CAP2: variants seen among roughly 807,000 people sequenced by gnomAD.
CAP2 encodes cyclase associated actin cytoskeleton regulatory protein 2.
CAP2 carries 24 observed loss-of-function variants against 57.7 expected under a neutral mutation model. The observed-to-expected ratio is 0.42, with a 90% confidence interval of 0.30 to 0.58. CAP2 has a LOEUF of 0.58. Among genes scored for constraint, CAP2 ranks in the 20% least tolerant of loss-of-function variants. The pLI, the probability that CAP2 is intolerant of heterozygous loss-of-function variation, is 0.22. For synonymous variants in CAP2, 194 were observed against 207.2 expected, an observed-to-expected ratio of 0.94 and a Z score of 0.55; for missense variants, 501 against 590.3, an observed-to-expected ratio of 0.85 and a Z score of 1.57.
At chr6:17,502,440 G>T (rs1185330161) in intron 4 of CAP2, among the ~76,000 whole-genome samples, 1 of 151,894 alleles carries the variant, frequency 6.6e-6, no homozygotes, top group Non-Finnish European at 1.5e-5. Flanking sequence ...AAATCTATTG[G>T]CACAGAATAA....
chr6:17,445,273 G>A (rs113650229), intron 3 of CAP2, among the ~76,000 whole-genome samples: 1,989 of 152,188 alleles, frequency 0.013, 51 homozygotes, highest in African/African-American at 0.046. Context: ...CACCCAGCTA[G>A]TTTTTGTATT....
intron 4 of CAP2, among the ~76,000 whole-genome samples, chr6:17,496,851 A>T (rs1273060166): frequency 6.6e-6 from 1 of 152,180 alleles, no homozygotes; most frequent in Admixed American, 6.6e-5. Context: ...CATTTCAGCC[A>T]CGTTCTACAT....
Position 17,421,674 on chromosome 6 carries a change from C to A in CAP2, c.119C>A (p.Ala40Glu). 1 of 1,614,176 alleles carries A rather than the reference C, an allele frequency of 6.2e-7. No homozygotes were observed. Among genetic ancestry groups the A allele is most frequent in the Non-Finnish European group, 8.5e-7 (1 of 1,179,992 alleles). The change falls in exon 2 of 13, where the codon GCA becomes GAA. Residue 40 changes from alanine (A) to glutamate (E), a missense_variant and splice_region_variant. By Grantham distance (107) the Ala-to-Glu change is moderately radical. Coordinates refer to ENST00000229922, the MANE Select transcript of CAP2 (RefSeq NM_006366.3). ...TGCGGGGAAGTCAATGGTGTCATTG[C>A]AGGTAGGGTCACAAACTGTTGTCAT... ...GNCGEVNGVIAGVAPSVEAFD... is the reference protein window; with the variant it reads ...GNCGEVNGVIEGVAPSVEAFD...
rs567675285 is a variant in CAP2, at chr6:17,461,992, C to CAAAAAAAAAAAAAAAAAAAAAA, written c.223-994_223-973dup. ...TGGGCAACAGGGCGAGACTCCGTCT[C>CAAAAAAAAAAAAAAAAAAAAAA]AAAAAAAAAAAAAAAAAAAAAAAAA... On this transcript the variant is annotated intron_variant, in intron 3 of 12. Coordinates refer to ENST00000229922, the MANE Select transcript of CAP2 (RefSeq NM_006366.3). 3.9e-4 allele frequency among the ~76,000 whole-genome samples: 11 copies of CAAAAAAAAAAAAAAAAAAAAAA among 27,860 alleles called. 1 individual carries two copies. Among genetic ancestry groups the CAAAAAAAAAAAAAAAAAAAAAA allele is most frequent in the Admixed American group, 1.1e-3 (2 of 1,822 alleles). 18.3% of individuals were successfully genotyped at this position (27,860 alleles called of 152,430 possible). A position where few individuals can be genotyped will look rare whatever the true frequency, so the allele number is the denominator to read the frequency against.
intron 4 of CAP2, among the ~76,000 whole-genome samples, chr6:17,491,484 A>G (rs1761541107): frequency 1.3e-5 from 2 of 152,186 alleles, no homozygotes; most frequent in African/African-American, 4.8e-5. Flanking sequence ...AGCAGCTGTC[A>G]TTTTTAGTCC....
At chr6:17,520,247 A>G (rs1369547900) in intron 7 of CAP2, among the ~76,000 whole-genome samples, 1 of 152,126 alleles carries the variant, frequency 6.6e-6, no homozygotes, top group Non-Finnish European at 1.5e-5. Context: ...AGCTGAGGCT[A>G]CAGGCGTGCA....
At chr6:17,469,562 A>G (rs1020994581) in intron 4 of CAP2, among the ~76,000 whole-genome samples, 8 of 152,182 alleles carry the variant, frequency 5.3e-5, no homozygotes, top group Non-Finnish European at 8.8e-5. Context: ...TATTCTATCT[A>G]GGAAGTCTGA....
chr6:17,554,169 C>T (rs1249571889), intron 12 of CAP2, among the ~76,000 whole-genome samples: 2 of 152,000 alleles, frequency 1.3e-5, no homozygotes, highest in African/African-American at 2.4e-5. Context: ...TGCAGTGGTG[C>T]GATCATGGCT....
At chr6:17,471,281 G>A (rs1581546896) in intron 4 of CAP2, among the ~76,000 whole-genome samples, 1 of 152,202 alleles carries the variant, frequency 6.6e-6, no homozygotes, top group African/African-American at 2.4e-5. Flanking sequence ...CATGATTAGT[G>A]CTGCTAAGTT....
intron 2 of CAP2, among the ~76,000 whole-genome samples, chr6:17,424,244 A>T (rs374992668): frequency 6.6e-6 from 1 of 152,016 alleles, no homozygotes; most frequent in Non-Finnish European, 1.5e-5. Context: ...ACTAAAAATG[A>T]AAAAAATTAG....
intron 3 of CAP2, among the ~76,000 whole-genome samples, chr6:17,436,768 C>T (rs771232255): frequency 5.3e-5 from 8 of 152,068 alleles, no homozygotes; most frequent in Non-Finnish European, 1.0e-4. Context: ...CCATCTATGT[C>T]AGGGGTCCCC....
chr6:17,515,579 C>CA (rs1239565817), intron 7 of CAP2, among the ~76,000 whole-genome samples: 1 of 152,102 alleles, frequency 6.6e-6, no homozygotes, highest in Non-Finnish European at 1.5e-5. Context: ...ACCCACGTAA[C>CA]AAACCTGCAC....
chr6:17,469,006 G>T (rs1760946417), intron 4 of CAP2, among the ~76,000 whole-genome samples: 1 of 152,220 alleles, frequency 6.6e-6, no homozygotes, highest in South Asian at 2.1e-4. Context: ...GAGTTGACAT[G>T]AACAAGTGTT....
chr6:17,399,451 T>C (rs942147769), intron 1 of CAP2, among the ~76,000 whole-genome samples: 7 of 152,224 alleles, frequency 4.6e-5, no homozygotes, highest in African/African-American at 1.7e-4. Context: ...AATAATGGCT[T>C]CTTTCACTGA....
rs769160522 is a variant in CAP2 at position 17,439,458 on chromosome 6, G to A, written c.222+12768G>A. Among the ~76,000 whole-genome samples, 39 of 151,458 alleles carry A rather than the reference G, an allele frequency of 2.6e-4. 1 individual carries two copies. Among genetic ancestry groups the A allele is most frequent in the Non-Finnish European group, 4.4e-4 (30 of 68,026 alleles). On this transcript the variant is annotated intron_variant, in intron 3 of 12. Coordinates refer to ENST00000229922, the MANE Select transcript of CAP2 (RefSeq NM_006366.3). ...TAGTCACTGAGGATTTAGAGCAGCA[G>A]TAGTCAACCTTTTTGGCACCAGGGA...
chr6:17,451,193 G>T (rs1033474502), intron 3 of CAP2, among the ~76,000 whole-genome samples: 4 of 151,380 alleles, frequency 2.6e-5, no homozygotes, highest in Non-Finnish European at 4.4e-5. Flanking sequence ...ACCAAGCAGG[G>T]TACGTTCTGG....
At chr6:17,550,146 A>G (rs1435950605) in intron 11 of CAP2, among the ~76,000 whole-genome samples, 1 of 152,052 alleles carries the variant, frequency 6.6e-6, no homozygotes, top group Non-Finnish European at 1.5e-5. Flanking sequence ...AGGCAGGTGG[A>G]TCACCTGAGG....
chr6:17,426,307 ACTGAGATCACCTCCAC>A (rs1199661331), intron 2 of CAP2, among the ~76,000 whole-genome samples: 4 of 145,490 alleles, frequency 2.7e-5, no homozygotes, highest in African/African-American at 1.0e-4. Flanking sequence ...ATCTCGACTC[ACTGAGATCACCTCCAC>A]CTCCCAGTTT....
At chr6:17,529,980 C>CAA (rs1329159000) in intron 7 of CAP2, among the ~76,000 whole-genome samples, 5 of 136,224 alleles carry the variant, frequency 3.7e-5, no homozygotes, top group African/African-American at 8.0e-5. Flanking sequence ...ATAGTGAGAC[C>CAA]AAAAAAAAAA....
Sources: allele counts gnomAD v4.1 joint callset (sites outside exome capture counted in the v4.1 genomes callset), GRCh38; gene constraint gnomAD v4.1.1; transcripts MANE v1.5; gene names NCBI Gene and HGNC (gene_info 2026-07-23, HGNC 2026-07-21).